The following E2F7 variants were observed in gnomAD, a reference collection of about 807,000 sequenced individuals.
E2F7 encodes the protein E2F transcription factor 7.
Under a neutral mutation model 81.1 loss-of-function variants are expected in E2F7, and 35 were observed. That is an observed-to-expected ratio of 0.43 (90% confidence interval 0.33 to 0.57). E2F7 has a LOEUF of 0.57. E2F7 is among the 20% of genes least tolerant of loss of function. The pLI, the probability that E2F7 is intolerant of heterozygous loss-of-function variation, is 0.04. For synonymous variants in E2F7, 416 were observed against 416.2 expected (o/e 1.00, Z 0.01); for missense variants, 961 against 1,093.7 (o/e 0.88, Z 1.71).
intron 4 of E2F7, among the ~76,000 whole-genome samples, chr12:77,047,036 G>A (rs561966888): frequency 2.6e-5 from 4 of 152,238 alleles, no homozygotes; most frequent in South Asian, 4.1e-4. Flanking sequence ...CTCATTCACC[G>A]TAACCCGGCA....
chr12:77,059,670 C>T (rs1358104626), intron 2 of E2F7, among the ~76,000 whole-genome samples: 1 of 152,156 alleles, frequency 6.6e-6, no homozygotes, highest in African/African-American at 2.4e-5. Flanking sequence ...CTCTCCTGTA[C>T]TCATTGGCTG....
chr12:77,041,758 C>A (rs935841822), intron 7 of E2F7, among the ~76,000 whole-genome samples: 33 of 152,322 alleles, frequency 2.2e-4, no homozygotes, highest in African/African-American at 7.9e-4. Flanking sequence ...GCCAGTACCA[C>A]CCCGTCTAGC....
chr12:77,029,401 A>G (rs984235229), intron 10 of E2F7, among the ~76,000 whole-genome samples: 8 of 152,178 alleles, frequency 5.3e-5, no homozygotes, highest in African/African-American at 1.9e-4. Context: ...CACTGAAGAG[A>G]AGTGACCAAG....
At chr12:77,043,610 G>GA (rs989493033) in intron 6 of E2F7, among the ~76,000 whole-genome samples, 1 of 152,048 alleles carries the variant, frequency 6.6e-6, no homozygotes, top group Non-Finnish European at 1.5e-5. Flanking sequence ...GCTGGTCTGT[G>GA]AAAATGACAA....
At chr12:77,051,203 C>T (rs977134128) in intron 3 of E2F7, among the ~76,000 whole-genome samples, 10 of 152,264 alleles carry the variant, frequency 6.6e-5, no homozygotes, top group African/African-American at 2.4e-4. Context: ...ATTTTACAAT[C>T]GACCAAAGGT....
intron 2 of E2F7, among the ~76,000 whole-genome samples, chr12:77,061,500 T>C (rs1955078399): frequency 1.3e-5 from 2 of 152,192 alleles, no homozygotes; most frequent in Non-Finnish European, 2.9e-5. Flanking sequence ...TTCACAAAGC[T>C]CTCCTAGCCT....
Position 77,050,634 on chromosome 12 carries a change from A to C in E2F7, c.480T>G (p.Ser160Arg). 1 of 1,614,104 alleles carries C rather than the reference A, an allele frequency of 6.2e-7. No individual in the cohort carries two copies. The highest frequency in any genetic ancestry group is 1.1e-5 in the South Asian group (1 of 91,074). Residue 160 changes from serine (S) to arginine (R), a missense_variant, in exon 4 of 13, where the codon AGT becomes AGG. Coordinates refer to ENST00000322886, the MANE Select transcript of E2F7 (RefSeq NM_203394.3). ...TAGTTTTCTCAGTTGACAAGGGATA[A>C]CTTGGATAGCGAGCTAGAAACTTCT... Reference protein sequence around the residue: ...LCQKFLARYPSYPLSTEKTTI... With the variant: ...LCQKFLARYPRYPLSTEKTTI...
At chr12:77,037,600 A>T (rs1172262044) in intron 7 of E2F7, among the ~76,000 whole-genome samples, 1 of 152,220 alleles carries the variant, frequency 6.6e-6, no homozygotes, top group Non-Finnish European at 1.5e-5. Context: ...GTAGACTGGG[A>T]CAAATTAAAA....
chr12:77,058,948 C>A (rs983004873), intron 2 of E2F7, among the ~76,000 whole-genome samples: 1 of 152,114 alleles, frequency 6.6e-6, no homozygotes, highest in Non-Finnish European at 1.5e-5. Flanking sequence ...TGGCACAATG[C>A]GTTGCCCACT....
chr12:77,056,432 A>G (rs545204448), intron 2 of E2F7, among the ~76,000 whole-genome samples: 6 of 152,204 alleles, frequency 3.9e-5, no homozygotes, highest in Admixed American at 2.0e-4. Flanking sequence ...ATGAGGGCCA[A>G]TGTGGGTTGA....
chr12:77,035,570 A>G (rs2120659546), intron 7 of E2F7, among the ~76,000 whole-genome samples: 1 of 152,340 alleles, frequency 6.6e-6, no homozygotes, highest in South Asian at 2.1e-4. Context: ...CCAAACTTAA[A>G]AGCAAGACCC....
rs371498076 is a variant in E2F7 at position 77,048,733 on chromosome 12, CTG to C, written c.538+1841_538+1842del. Among the ~76,000 whole-genome samples the C allele has an allele frequency of 1.0e-3, 155 of 152,264 alleles. 1 individual carries two copies. The highest frequency in any genetic ancestry group is 3.4e-3 in the Middle Eastern group (1 of 294). On this transcript the variant is annotated intron_variant, in intron 4 of 12. Coordinates refer to ENST00000322886, the MANE Select transcript of E2F7 (RefSeq NM_203394.3). ...TGGGTGATCAGGAGGCATTGGGAAG[CTG>C]TGGAAAAATCTCTGGAGTTCTGCTC...
At chr12:77,042,595 T>C (rs1954902460) in intron 7 of E2F7, among the ~76,000 whole-genome samples, 1 of 152,224 alleles carries the variant, frequency 6.6e-6, no homozygotes. Context: ...ATCCATACTA[T>C]ATTTAGATGC....
intron 5 of E2F7, 163 bp downstream of exon 5, chr12:77,045,875 C>G: frequency 1.1e-6 from 1 of 889,150 alleles, no homozygotes; most frequent in Non-Finnish European, 1.7e-6. Flanking sequence ...GTGGGCAGTC[C>G]AGTTGGGGAG....
chr12:77,025,702 GGAC>G lies in E2F7; in HGVS notation c.2418_2420del (p.Ser807del), dbSNP rs1402606843. On this transcript the variant is annotated inframe_deletion, in exon 12 of 13. Transcript: ENST00000322886. ...GCTGAGGGTCTGCAGAAGGGAGTGT[GGAC>G]GACTTTGGATTAACCACAGCTGTGG... The G allele has an allele frequency of 8.7e-6, 14 of 1,614,190 alleles. No individual in the cohort carries two copies. Among genetic ancestry groups the G allele is most frequent in the Non-Finnish European group, 1.2e-5 (14 of 1,180,040 alleles).
intron 3 of E2F7, among the ~76,000 whole-genome samples, chr12:77,051,500 G>C (rs1168112192): frequency 1.3e-5 from 2 of 152,062 alleles, no homozygotes; most frequent in African/African-American, 4.8e-5. Context: ...GGTGGGGGCA[G>C]GGGGGAGGGA....
intron 3 of E2F7, among the ~76,000 whole-genome samples, chr12:77,053,278 A>T (rs1260413726): frequency 6.6e-6 from 1 of 152,198 alleles, no homozygotes; most frequent in Non-Finnish European, 1.5e-5. Context: ...CATGTTAGAA[A>T]TTAAAATTGA....
chr12:77,033,746 C>G, intron 8 of E2F7, 111 bp downstream of exon 8: 11 of 1,148,016 alleles, frequency 9.6e-6, no homozygotes, highest in Non-Finnish European at 1.3e-5. Context: ...AAAAAACAGC[C>G]AGGGCTGAGA....
intron 7 of E2F7, 38 bp from the exon 8 acceptor site, chr12:77,034,080 C>A: frequency 6.4e-7 from 1 of 1,552,650 alleles, no homozygotes; most frequent in South Asian, 1.2e-5. Context: ...TGTTATACAG[C>A]TGTAATTCAG....
Sources: allele counts gnomAD v4.1 joint callset (sites outside exome capture counted in the v4.1 genomes callset), GRCh38; gene constraint gnomAD v4.1.1; transcripts MANE v1.5; gene names NCBI Gene and HGNC (gene_info 2026-07-23, HGNC 2026-07-21).